STAM: variants seen among roughly 807,000 people sequenced by gnomAD.
The protein encoded by STAM is signal transducing adaptor molecule.
STAM carries 16 observed loss-of-function variants against 63.4 expected under a neutral mutation model. The ratio of observed to expected loss-of-function variants is 0.25; its 90% CI spans 0.17 to 0.38. The LOEUF is 0.38. Ranked by LOEUF, STAM falls within the 10% of genes least tolerant of loss-of-function variation. The pLI, the probability that STAM is intolerant of heterozygous loss-of-function variation, is 1.00. For missense variants in STAM, 636 were observed against 657.1 expected, an observed-to-expected ratio of 0.97 and a Z score of 0.35; for synonymous variants, 238 against 223.9, an observed-to-expected ratio of 1.06 and a Z score of -0.56.
intron 5 of STAM, among the ~76,000 whole-genome samples, chr10:17,689,011 G>A (rs1835417340): frequency 6.6e-6 from 1 of 152,152 alleles, no homozygotes; most frequent in African/African-American, 2.4e-5. Flanking sequence ...CTTAGTAAGA[G>A]CCGACCAGTA....
intron 12 of STAM, among the ~76,000 whole-genome samples, chr10:17,707,224 A>T (rs1836326890): frequency 6.6e-6 from 1 of 152,086 alleles, no homozygotes; most frequent in Non-Finnish European, 1.5e-5. Context: ...CCTGGCTAAC[A>T]TGGTGAAACC....
At chr10:17,654,648 C>T (rs1833870052) in intron 1 of STAM, among the ~76,000 whole-genome samples, 1 of 152,018 alleles carries the variant, frequency 6.6e-6, no homozygotes, top group South Asian at 2.1e-4. Context: ...AAATAATTCC[C>T]CAAAGTAAAC....
rs1836760905 is a variant in STAM at position 17,715,161 on chromosome 10, T to C, written c.*381T>C. The C allele has an allele frequency of 4.5e-6, 1 of 223,688 alleles. No individual in the cohort carries two copies. Among genetic ancestry groups the C allele is most frequent in the South Asian group, 7.7e-5 (1 of 12,984 alleles). 13.9% of individuals were successfully genotyped at this position (223,688 alleles called of 1,614,324 possible). A position where few individuals can be genotyped will look rare whatever the true frequency, so the allele number is the denominator to read the frequency against. ...CCATTTTGAATCACAGTGGTGATCGTGTGAATATATTTAACACTGTGTTAA... is the reference window on the plus strand; with the variant it reads ...CCATTTTGAATCACAGTGGTGATCGCGTGAATATATTTAACACTGTGTTAA... On this transcript the variant is annotated 3_prime_UTR_variant, in exon 14 of 14. Coordinates refer to ENST00000377524, the MANE Select transcript of STAM (RefSeq NM_003473.4).
chr10:17,649,907 C>T (rs1833670913), intron 1 of STAM, among the ~76,000 whole-genome samples: 1 of 152,214 alleles, frequency 6.6e-6, no homozygotes, highest in Admixed American at 6.5e-5. Context: ...GGCACCCGGG[C>T]CCAGCCAATT....
At chr10:17,665,674 A>G (rs1344518734) in intron 2 of STAM, among the ~76,000 whole-genome samples, 2 of 151,958 alleles carry the variant, frequency 1.3e-5, no homozygotes, top group African/African-American at 4.8e-5. Flanking sequence ...TCTAACACAT[A>G]TACATAATTA....
At chr10:17,713,734 C>G (rs939546585) in intron 13 of STAM, among the ~76,000 whole-genome samples, 2 of 152,102 alleles carry the variant, frequency 1.3e-5, no homozygotes, top group African/African-American at 2.4e-5. Context: ...GGTCGGCTCT[C>G]TCCTGGTGGA....
intron 13 of STAM, among the ~76,000 whole-genome samples, chr10:17,714,305 G>A (rs916764970): frequency 1.3e-5 from 2 of 148,662 alleles, no homozygotes; most frequent in African/African-American, 2.5e-5. Flanking sequence ...ACTTATTTCC[G>A]CAAACCACCC....
At chr10:17,676,997 T>C (rs1206823320) in intron 2 of STAM, among the ~76,000 whole-genome samples, 2 of 152,180 alleles carry the variant, frequency 1.3e-5, no homozygotes, top group African/African-American at 4.8e-5. Context: ...ATAATAGTGG[T>C]TAAGTTCTGT....
At chr10:17,651,780 TAC>T (rs1833750967) in intron 1 of STAM, among the ~76,000 whole-genome samples, 1 of 152,230 alleles carries the variant, frequency 6.6e-6, no homozygotes, top group East Asian at 1.9e-4. Context: ...CTTTCAGACT[TAC>T]TTTTCCATTG....
At chr10:17,690,827 T>C (rs557929536) in intron 5 of STAM, among the ~76,000 whole-genome samples, 1 of 152,326 alleles carries the variant, frequency 6.6e-6, no homozygotes, top group Admixed American at 6.5e-5. Flanking sequence ...AAGATAGAAG[T>C]AGGCTAGCAG....
In STAM at chr10:17,716,525, G is replaced by A. The variant is rs45569833; in HGVS notation, c.*1745G>A. Among the ~76,000 whole-genome samples, 11,509 of 151,814 alleles carry A rather than the reference G, an allele frequency of 0.076. 450 individuals carry two copies. Among genetic ancestry groups the A allele is most frequent in the Middle Eastern group, 0.13 (37 of 294 alleles). On this transcript the variant is annotated 3_prime_UTR_variant, in exon 14 of 14. Coordinates refer to ENST00000377524, the MANE Select transcript of STAM (RefSeq NM_003473.4). ...AGTTAGTTTTTGATAAATATCTGTC[G>A]GATTATAATCTTTTCCACTCCAATT... is the stretch of plus-strand genomic sequence containing the variant.
chr10:17,648,319 G>C (rs1833598590), intron 1 of STAM, among the ~76,000 whole-genome samples: 1 of 152,154 alleles, frequency 6.6e-6, no homozygotes, highest in Non-Finnish European at 1.5e-5. Context: ...TCAGTGCTCT[G>C]TAGCTAGCTA....
chr10:17,693,180 T>G, intron 5 of STAM, 42 bp from the exon 6 acceptor site: 1 of 1,577,238 alleles, frequency 6.3e-7, no homozygotes, highest in Non-Finnish European at 8.7e-7. Context: ...GGAGGAGAAT[T>G]TGATAACAAC....
intron 2 of STAM, among the ~76,000 whole-genome samples, chr10:17,672,359 C>G (rs1195326846): frequency 6.6e-6 from 1 of 152,140 alleles, no homozygotes; most frequent in African/African-American, 2.4e-5. Context: ...TGCAAAATTG[C>G]TTTTAGTTTT....
Position 17,703,008 on chromosome 10 carries a change from C to CAA in STAM, c.913-1405_913-1404dup, listed in dbSNP as rs71507229. ...TGGGAGACAGAGTAAGACTCCATCT[C>CAA]AAAAAAAAAAAAAAAAAAAGAAAAG... On this transcript the variant is annotated intron_variant, in intron 9 of 13. Coordinates refer to ENST00000377524, the MANE Select transcript of STAM (RefSeq NM_003473.4). Among the ~76,000 whole-genome samples, 444 of 67,756 alleles carry CAA rather than the reference C, an allele frequency of 6.6e-3. 5 individuals carry two copies. The highest frequency in any genetic ancestry group is 9.9e-3 in the Non-Finnish European group (326 of 32,970). 44.5% of individuals were successfully genotyped at this position (67,756 alleles called of 152,430 possible).
At chr10:17,700,443 T>G (rs1015930477) in intron 9 of STAM, among the ~76,000 whole-genome samples, 164 bp downstream of exon 9, 1 of 152,198 alleles carries the variant, frequency 6.6e-6, no homozygotes, top group Non-Finnish European at 1.5e-5. Context: ...TTTTGAAACT[T>G]CCTCTCCAGT....
At chr10:17,691,526 A>G (rs1554826792) in intron 5 of STAM, among the ~76,000 whole-genome samples, 1 of 152,218 alleles carries the variant, frequency 6.6e-6, no homozygotes, top group African/African-American at 2.4e-5. Flanking sequence ...AAATAAATAA[A>G]TAAATAAATG....
chr10:17,713,236 C>T (rs1196008861), intron 13 of STAM, among the ~76,000 whole-genome samples: 2 of 152,182 alleles, frequency 1.3e-5, no homozygotes, highest in Admixed American at 6.5e-5. Flanking sequence ...GTCCAGTGCA[C>T]AGTAGATGGA....
chr10:17,673,729 G>A (rs1834733726), intron 2 of STAM, among the ~76,000 whole-genome samples: 1 of 152,210 alleles, frequency 6.6e-6, no homozygotes, highest in Admixed American at 6.5e-5. Flanking sequence ...ATCATGTGAT[G>A]GTGAAGAGCA....
Sources: gnomAD v4.1 joint callset for allele counts (sites outside exome capture counted in the v4.1 genomes callset) on GRCh38, gnomAD v4.1.1 for gene constraint, MANE v1.5 for transcripts, NCBI Gene and HGNC (gene_info 2026-07-23, HGNC 2026-07-21) for gene names.